The following GRIP1 variants were observed in gnomAD, a reference collection of about 807,000 sequenced individuals.
GRIP1 encodes glutamate receptor-interacting protein 1.
In GRIP1, 45 loss-of-function variants were observed where a neutral mutation model predicts 129.9. The ratio of observed to expected loss-of-function variants is 0.35; its 90% confidence interval spans 0.27 to 0.44. The LOEUF (loss-of-function observed/expected upper bound fraction) is 0.44. Ranked by LOEUF, GRIP1 falls within the 20% of genes least tolerant of loss-of-function variation. The pLI, the probability that GRIP1 is intolerant of heterozygous loss-of-function variation, is 1.00. For synonymous variants in GRIP1, 530 were observed against 520.8 expected (o/e 1.02, Z -0.24); for missense variants, 1,196 against 1,396.8 (o/e 0.86, Z 2.29).
chr12:66,769,836 T>C (rs1025726864), intron 1 of GRIP1, among the ~76,000 whole-genome samples: 1 of 152,168 alleles, frequency 6.6e-6, no homozygotes, highest in African/African-American at 2.4e-5. Flanking sequence ...GAAAGGAGGA[T>C]GTTTCCTTTC....
At chr12:66,395,032 AG>A (rs1185835392) in intron 16 of GRIP1, among the ~76,000 whole-genome samples, 4 of 152,190 alleles carry the variant, frequency 2.6e-5, no homozygotes, top group African/African-American at 4.8e-5. Flanking sequence ...AGCTGTTGTA[AG>A]CTATGTTTCA....
intron 1 of GRIP1, among the ~76,000 whole-genome samples, chr12:66,975,205 C>T (rs1366812312): frequency 6.6e-6 from 1 of 152,156 alleles, no homozygotes; most frequent in African/African-American, 2.4e-5. Context: ...ACAATGAAAA[C>T]ACCTCTTGCC....
At chr12:67,068,164 C>A (rs2043663198) in intron 1 of GRIP1, among the ~76,000 whole-genome samples, 1 of 152,160 alleles carries the variant, frequency 6.6e-6, no homozygotes, top group Admixed American at 6.5e-5. Context: ...CCCTGGCCAA[C>A]CTCTGCACCA....
intron 1 of GRIP1, among the ~76,000 whole-genome samples, chr12:66,788,642 T>A (rs2038434589): frequency 6.6e-6 from 1 of 152,144 alleles, no homozygotes; most frequent in African/African-American, 2.4e-5. Flanking sequence ...TTGCCTTGTT[T>A]GAGCTGCTCA....
chr12:66,377,295 A>T lies in GRIP1; in HGVS notation c.2622-10T>A. ...GGCAGCCCCTGCAAAACTGTTGTCAAGAAACACAGGCTGGGTTAGGAACTT... is the reference window on the plus strand; with the variant it reads ...GGCAGCCCCTGCAAAACTGTTGTCATGAAACACAGGCTGGGTTAGGAACTT... On this transcript the variant is annotated splice_polypyrimidine_tract_variant and intron_variant, in intron 20 of 24. Coordinates refer to ENST00000359742, the MANE Select transcript of GRIP1 (RefSeq NM_001366722.1). 6.5e-7 allele frequency: 1 copy of T among 1,548,270 alleles called. No individual in the cohort carries two copies. The highest frequency in any genetic ancestry group is 8.9e-7 in the Non-Finnish European group (1 of 1,120,356).
chr12:66,887,113 T>C (rs1329159795), intron 1 of GRIP1, among the ~76,000 whole-genome samples: 2 of 152,238 alleles, frequency 1.3e-5, no homozygotes, highest in Non-Finnish European at 2.9e-5. Context: ...TCTTATGCTT[T>C]GTTTTTCTGG....
intron 1 of GRIP1, among the ~76,000 whole-genome samples, chr12:66,831,155 C>T (rs370050772): frequency 2.0e-5 from 3 of 152,056 alleles, no homozygotes; most frequent in African/African-American, 7.2e-5. Context: ...CACACAGCTT[C>T]CTCAGGAACC....
intron 1 of GRIP1, among the ~76,000 whole-genome samples, chr12:66,870,718 C>T (rs1176232692): frequency 1.3e-5 from 2 of 152,060 alleles, no homozygotes; most frequent in Non-Finnish European, 2.9e-5. Flanking sequence ...GTAACAAGTG[C>T]TATCACACTG....
chr12:66,479,117 A>G (rs1001672669), intron 7 of GRIP1, among the ~76,000 whole-genome samples: 31 of 149,342 alleles, frequency 2.1e-4, no homozygotes, highest in Admixed American at 6.0e-4. Context: ...AAAAAAAATC[A>G]ATGAATCCAG....
rs943697558 is a variant in GRIP1 at position 66,437,835 on chromosome 12, C to A, written c.1688-5207G>T. Among the ~76,000 whole-genome samples the A allele has an allele frequency of 8.5e-5, 13 of 152,288 alleles. No homozygotes were observed. The East Asian group carries it at 2.1e-3, about 25-fold the overall frequency. ...GTCAGTAGGGCAGAGGTTTAGAACT[C>A]CTGCTCTAATTGCTTCATCCTGGTA... On this transcript the variant is annotated intron_variant, in intron 13 of 24. Coordinates refer to ENST00000359742, the MANE Select transcript of GRIP1 (RefSeq NM_001366722.1).
intron 2 of GRIP1, among the ~76,000 whole-genome samples, chr12:66,580,931 C>T (rs1387919602): frequency 6.6e-6 from 1 of 152,096 alleles, no homozygotes; most frequent in African/African-American, 2.4e-5. Flanking sequence ...ACAGAACTCT[C>T]CACCCCAAAT....
At chr12:66,488,068 A>G (rs554304831) in intron 7 of GRIP1, among the ~76,000 whole-genome samples, 1 of 152,290 alleles carries the variant, frequency 6.6e-6, no homozygotes, top group South Asian at 2.1e-4. Flanking sequence ...TGGACAGATC[A>G]TTGAGATAGA....
In GRIP1 at chr12:66,349,965, A is replaced by T. The variant is rs576758778; in HGVS notation, c.3160-719T>A. On this transcript the variant is annotated intron_variant, in intron 24 of 24. Coordinates refer to ENST00000359742, the MANE Select transcript of GRIP1 (RefSeq NM_001366722.1). ...CTCCTTGATCTTCCATTCTCTCCTC[A>T]GTTTTTTCAGGTCCTCCCTGACACA... Among the ~76,000 whole-genome samples the T allele has an allele frequency of 5.3e-5, 8 of 151,824 alleles. No individual in the cohort carries two copies. The East Asian group carries it at 1.4e-3, about 26-fold the overall frequency.
intron 1 of GRIP1, among the ~76,000 whole-genome samples, chr12:66,841,501 G>A (rs1375558747): frequency 1.3e-5 from 2 of 152,194 alleles, no homozygotes; most frequent in Non-Finnish European, 2.9e-5. Flanking sequence ...ACACAAAGAT[G>A]TGAGATGAAG....
Position 66,890,274 on chromosome 12 carries a change from A to T in GRIP1, c.58+178776T>A, listed in dbSNP as rs115201692. 2.4e-3 allele frequency among the ~76,000 whole-genome samples: 362 copies of T among 152,282 alleles called. 1 individual carries two copies. The highest frequency in any genetic ancestry group is 8.4e-3 in the African/African-American group (348 of 41,566). On this transcript the variant is annotated intron_variant, in intron 1 of 1. Transcript: ENST00000643019. Reference sequence around the variant, plus strand: ...CTCGTGAACATAGCCATTTGGTGGCAAAGTAAATTTCCGATCCAGGTCAGT... The same window carrying T: ...CTCGTGAACATAGCCATTTGGTGGCTAAGTAAATTTCCGATCCAGGTCAGT...
In GRIP1 at chr12:67,064,073, T is replaced by G. The variant is rs182443317; in HGVS notation, c.58+4977A>C. Among the ~76,000 whole-genome samples the G allele has an allele frequency of 2.0e-5, 3 of 152,344 alleles. No individual in the cohort carries two copies. The East Asian group carries it at 5.8e-4, about 29-fold the overall frequency. ...GTCTTTGGTGGAAAACCCATTCACTTAAATGAGTTACTTAAAATGTAGTCA... is the reference window on the plus strand; with the variant it reads ...GTCTTTGGTGGAAAACCCATTCACTGAAATGAGTTACTTAAAATGTAGTCA... On this transcript the variant is annotated intron_variant, in intron 1 of 1. Transcript: ENST00000643019.
At chr12:66,669,547 T>C (rs2033971609) in intron 1 of GRIP1, among the ~76,000 whole-genome samples, 1 of 152,204 alleles carries the variant, frequency 6.6e-6, no homozygotes, top group Admixed American at 6.5e-5. Context: ...GATGGTTGTA[T>C]ACAGATAAAC....
intron 1 of GRIP1, among the ~76,000 whole-genome samples, chr12:66,736,023 A>C (rs2036584444): frequency 6.6e-6 from 1 of 152,120 alleles, no homozygotes; most frequent in African/African-American, 2.4e-5. Context: ...GAACATAAAC[A>C]GTTCACCCTT....
At chr12:67,024,776 A>G (rs974544333) in intron 1 of GRIP1, among the ~76,000 whole-genome samples, 1 of 119,868 alleles carries the variant, frequency 8.3e-6, no homozygotes, top group Non-Finnish European at 1.9e-5. Context: ...GTACAATGAC[A>G]AAAAAAAGAT....
Sources: gnomAD v4.1 joint callset for allele counts (sites outside exome capture counted in the v4.1 genomes callset) on GRCh38, gnomAD v4.1.1 for gene constraint, MANE v1.5 for transcripts, NCBI Gene and HGNC (gene_info 2026-07-23, HGNC 2026-07-21) for gene names.